FOXP1: variants seen among roughly 807,000 people sequenced by gnomAD.
FOXP1 encodes forkhead box protein P1.
FOXP1 carries 15 observed loss-of-function variants against 98.2 expected under a neutral mutation model. The observed-to-expected ratio is 0.15, with a 90% CI of 0.10 to 0.24. FOXP1 has a LOEUF of 0.24. Among genes scored for constraint, FOXP1 ranks in the 10% least tolerant of loss-of-function variants. The pLI, the probability that FOXP1 is intolerant of heterozygous loss-of-function variation, is 1.00. For synonymous variants in FOXP1, 371 were observed against 314.5 expected, an observed-to-expected ratio of 1.18 and a Z score of -1.90; for missense variants, 633 against 848.5, an observed-to-expected ratio of 0.75 and a Z score of 3.15.
chr3:71,265,216 T>C (rs1338999170), intron 5 of FOXP1, among the ~76,000 whole-genome samples: 1 of 152,200 alleles, frequency 6.6e-6, no homozygotes, highest in Non-Finnish European at 1.5e-5. Context: ...CAAAATCAAC[T>C]ATATCTGCCA....
chr3:71,000,326 CTACAT>C (rs2041954005), intron 13 of FOXP1, among the ~76,000 whole-genome samples: 1 of 150,882 alleles, frequency 6.6e-6, no homozygotes, highest in African/African-American at 2.4e-5. Flanking sequence ...TATATACACT[CTACAT>C]TAATATATCT....
chr3:71,345,529 A>G (rs1040296572), intron 4 of FOXP1, among the ~76,000 whole-genome samples: 1 of 151,976 alleles, frequency 6.6e-6, no homozygotes, highest in Admixed American at 6.6e-5. Context: ...TCCCTTGTCC[A>G]GTTCTAACTG....
chr3:71,528,910 T>C lies in FOXP1; in HGVS notation c.-297-35355A>G, dbSNP rs1259974397. 2.0e-5 allele frequency among the ~76,000 whole-genome samples: 3 copies of C among 152,232 alleles called. No individual in the cohort carries two copies. The East Asian group carries it at 5.8e-4, about 29-fold the overall frequency. ...GACAGTCTTGAAGTATGAAGTATCT[T>C]CAAGGAATAGCGATCATGAATGTTT... On this transcript the variant is annotated intron_variant, in intron 2 of 20. Transcript: ENST00000649528.
At chr3:71,038,536 A>T (rs1223571710) in intron 11 of FOXP1, among the ~76,000 whole-genome samples, 1 of 152,220 alleles carries the variant, frequency 6.6e-6, no homozygotes, top group Non-Finnish European at 1.5e-5. Context: ...CTTTATAGTG[A>T]CAGCTTTGTT....
At chr3:71,033,142 A>T (rs949633937) in intron 11 of FOXP1, among the ~76,000 whole-genome samples, 3 of 152,206 alleles carry the variant, frequency 2.0e-5, no homozygotes, top group Non-Finnish European at 4.4e-5. Flanking sequence ...AGGAGGGGAC[A>T]CAGGCCTTTC....
chr3:71,303,595 G>A (rs2074031223), intron 4 of FOXP1, among the ~76,000 whole-genome samples: 1 of 152,096 alleles, frequency 6.6e-6, no homozygotes, highest in Non-Finnish European at 1.5e-5. Context: ...AAAATATAAG[G>A]ACATCAACAT....
At chr3:71,560,404 A>G (rs541794309) in intron 2 of FOXP1, among the ~76,000 whole-genome samples, 2 of 152,186 alleles carry the variant, frequency 1.3e-5, no homozygotes, top group Non-Finnish European at 2.9e-5. Flanking sequence ...AATTTCAAAA[A>G]CAAAAGTAGT....
At chr3:70,988,216 T>G in intron 13 of FOXP1, 139 bp from the exon 14 acceptor site, 1 of 842,908 alleles carries the variant, frequency 1.2e-6, no homozygotes, top group Non-Finnish European at 2.0e-6. Flanking sequence ...TTTTGAAATC[T>G]ACATGACCAT....
intron 11 of FOXP1, 131 bp from the exon 12 acceptor site, chr3:71,015,784 T>G: frequency 3.1e-6 from 2 of 637,340 alleles, no homozygotes; most frequent in East Asian, 2.8e-5. Flanking sequence ...ATTTCCCCCA[T>G]CCCATGTAAT....
At chr3:71,331,970 C>A (rs1383684284) in intron 4 of FOXP1, among the ~76,000 whole-genome samples, 1 of 152,200 alleles carries the variant, frequency 6.6e-6, no homozygotes, top group African/African-American at 2.4e-5. Flanking sequence ...GACCAATCAG[C>A]TCTCTGTAAA....
At chr3:71,005,542 T>A (rs758764541) in intron 12 of FOXP1, among the ~76,000 whole-genome samples, 14 of 151,942 alleles carry the variant, frequency 9.2e-5, no homozygotes, top group Non-Finnish European at 2.1e-4. Context: ...AAAACGAGAA[T>A]AGAATTACAC....
intron 11 of FOXP1, among the ~76,000 whole-genome samples, chr3:71,037,062 C>T (rs975370452): frequency 6.6e-6 from 1 of 152,086 alleles, no homozygotes; most frequent in Admixed American, 6.5e-5. Flanking sequence ...TATTTAATTT[C>T]TATTATTCGA....
chr3:71,197,832 A>G (rs1460112371), intron 6 of FOXP1: 2 of 1,564,142 alleles, frequency 1.3e-6, no homozygotes, highest in Non-Finnish European at 1.8e-6. Context: ...CACAGGCTTA[A>G]GCCTGTTTTT....
At chr3:71,134,667 G>A (rs1057161407) in intron 6 of FOXP1, among the ~76,000 whole-genome samples, 13 of 152,194 alleles carry the variant, frequency 8.5e-5, no homozygotes, top group South Asian at 2.1e-4. Context: ...AGAGAAGCAC[G>A]AAATAGCCCA....
chr3:71,169,556 CTT>C (rs1366615042), intron 6 of FOXP1, among the ~76,000 whole-genome samples: 1 of 152,022 alleles, frequency 6.6e-6, no homozygotes, highest in African/African-American at 2.4e-5. Context: ...AGGTGTAAGA[CTT>C]TATCTTCTGG....
At chr3:71,249,772 TGAG>T (rs1290686664) in intron 5 of FOXP1, among the ~76,000 whole-genome samples, 2 of 151,984 alleles carry the variant, frequency 1.3e-5, no homozygotes, top group Non-Finnish European at 2.9e-5. Flanking sequence ...AGAGGGAAAG[TGAG>T]GAGGGGAGAA....
intron 2 of FOXP1, among the ~76,000 whole-genome samples, chr3:71,532,404 A>C (rs895623705): frequency 6.6e-6 from 1 of 152,160 alleles, no homozygotes; most frequent in Non-Finnish European, 1.5e-5. Flanking sequence ...GCACAAAGAA[A>C]CTATTAATGA....
At chr3:71,188,692 C>A (rs1309194861) in intron 6 of FOXP1, among the ~76,000 whole-genome samples, 1 of 152,184 alleles carries the variant, frequency 6.6e-6, no homozygotes, top group East Asian at 1.9e-4. Context: ...GGATTACAGG[C>A]GTGAGCCACC....
At chr3:70,972,187 TAGGAGCAGCAGCAAAGGAGA>T in intron 18 of FOXP1, 1 of 1,518,966 alleles carries the variant, frequency 6.6e-7, no homozygotes, top group Non-Finnish European at 8.8e-7. Context: ...CACCCTGGGA[TAGGAGCAGCAGCAAAGGAGA>T]TGGAGTGGCA....
Sources: gnomAD v4.1 joint callset for allele counts (sites outside exome capture counted in the v4.1 genomes callset) on GRCh38, gnomAD v4.1.1 for gene constraint, MANE v1.5 for transcripts, NCBI Gene and HGNC (gene_info 2026-07-23, HGNC 2026-07-21) for gene names.